MBD5: variants seen among roughly 807,000 people sequenced by gnomAD.
MBD5 encodes the protein methyl-CpG binding domain protein 5, also known as methyl-CpG-binding domain protein 5.
In MBD5, 13 loss-of-function variants were observed where a neutral mutation model predicts 117.3. The ratio of observed to expected loss-of-function variants is 0.11; its 90% CI spans 0.07 to 0.18. The LOEUF (loss-of-function observed/expected upper bound fraction) is 0.18. MBD5 is among the 10% of genes least tolerant of loss of function. MBD5 has a pLI of 1.00. For synonymous variants in MBD5, 727 were observed against 766.4 expected (o/e 0.95, Z 0.85); for missense variants, 1,879 against 2,093.8 (o/e 0.90, Z 2.00).
intron 3 of MBD5, among the ~76,000 whole-genome samples, chr2:148,333,727 AT>A (rs1702719649): frequency 6.6e-6 from 1 of 151,962 alleles, no homozygotes; most frequent in Non-Finnish European, 1.5e-5. Flanking sequence ...GTAAGGTGGC[AT>A]GTGTCTTTGG....
At chr2:148,106,960 T>C (rs1696388338) in intron 1 of MBD5, among the ~76,000 whole-genome samples, 1 of 152,018 alleles carries the variant, frequency 6.6e-6, no homozygotes, top group African/African-American at 2.4e-5. Flanking sequence ...TGTCATTCCT[T>C]TGGCATTACA....
intron 4 of MBD5, among the ~76,000 whole-genome samples, chr2:148,345,574 C>T (rs368575387): frequency 1.5e-5 from 1 of 68,572 alleles, no homozygotes; most frequent in African/African-American, 7.4e-5. Flanking sequence ...CACGTATACA[C>T]ATACATATGT....
At chr2:148,400,922 G>A (rs552149867) in intron 4 of MBD5, among the ~76,000 whole-genome samples, 31 of 152,130 alleles carry the variant, frequency 2.0e-4, no homozygotes, top group African/African-American at 7.5e-4. Flanking sequence ...TATTTGAATA[G>A]CACTGCAGAG....
chr2:148,265,459 T>G (rs1328607482), intron 3 of MBD5, among the ~76,000 whole-genome samples: 1 of 152,194 alleles, frequency 6.6e-6, no homozygotes, highest in Non-Finnish European at 1.5e-5. Flanking sequence ...GTTCCATGGA[T>G]GTATCATAAT....
intron 4 of MBD5, among the ~76,000 whole-genome samples, chr2:148,446,550 A>G (rs1025328045): frequency 6.6e-6 from 1 of 151,224 alleles, no homozygotes; most frequent in Non-Finnish European, 1.5e-5. Flanking sequence ...GTGGGATCTA[A>G]CACAGACCAT....
chr2:148,193,125 G>C (rs1359724162), intron 2 of MBD5, among the ~76,000 whole-genome samples: 1 of 91,906 alleles, frequency 1.1e-5, no homozygotes, highest in Non-Finnish European at 2.2e-5. Context: ...CAAACAAATG[G>C]AAGAACATTC....
chr2:148,153,199 A>C (rs2105675041), intron 1 of MBD5, among the ~76,000 whole-genome samples: 1 of 150,988 alleles, frequency 6.6e-6, no homozygotes, highest in South Asian at 2.1e-4. Flanking sequence ...TCACTTATGA[A>C]GCTTAGTTTG....
At chr2:148,503,558 C>T (rs1274842619) in intron 12 of MBD5, among the ~76,000 whole-genome samples, 1 of 152,146 alleles carries the variant, frequency 6.6e-6, no homozygotes, top group African/African-American at 2.4e-5. Flanking sequence ...GTCAACAAAT[C>T]TTAGGAAGAC....
chr2:148,133,892 A>T (rs1247061826), intron 1 of MBD5, among the ~76,000 whole-genome samples: 1 of 152,164 alleles, frequency 6.6e-6, no homozygotes, highest in African/African-American at 2.4e-5. Flanking sequence ...CAAGTTACAT[A>T]TACTACTTTT....
intron 3 of MBD5, among the ~76,000 whole-genome samples, chr2:148,326,579 A>G (rs560412812): frequency 5.3e-5 from 8 of 152,204 alleles, no homozygotes; most frequent in African/African-American, 1.9e-4. Flanking sequence ...TGATCCCTTT[A>G]CCATTGAGTA....
At position 148,178,731 on chromosome 2, in the gene MBD5, G is replaced by T. The variant is rs1424464504; in HGVS notation, c.-893G>T. The T allele has an allele frequency of 1.5e-5, 6 of 398,142 alleles. No homozygotes were observed. Among genetic ancestry groups the T allele is most frequent in the South Asian group, 1.3e-4 (1 of 7,814 alleles). 24.7% of individuals were successfully genotyped at this position (398,142 alleles called of 1,614,324 possible). ...ATTGAAGATGTCAGTTTCTACATGT[G>T]GGAAGTAGACATTGAAGGCTTTATG... On this transcript the variant is annotated 5_prime_UTR_variant, in exon 2 of 14. Transcript: ENST00000642680.
chr2:148,025,398 G>C (rs1373948588), intron 1 of MBD5: 2 of 151,760 alleles, frequency 1.3e-5, no homozygotes, highest in Non-Finnish European at 2.9e-5. Context: ...ACTTAATACT[G>C]TATTCTAGGG....
chr2:148,314,376 GTTTT>G (rs67471940), intron 3 of MBD5, among the ~76,000 whole-genome samples: 2 of 106,622 alleles, frequency 1.9e-5, no homozygotes, highest in Admixed American at 1.1e-4. Flanking sequence ...CAGTGTTATG[GTTTT>G]TTTTTTTTTT....
At chr2:148,400,248 A>G (rs1218230615) in intron 4 of MBD5, among the ~76,000 whole-genome samples, 3 of 151,968 alleles carry the variant, frequency 2.0e-5, no homozygotes, top group Non-Finnish European at 4.4e-5. Flanking sequence ...TTTCAGTAAT[A>G]TGGTATTCCC....
At chr2:148,488,439 T>C (rs1017324453) in intron 10 of MBD5, among the ~76,000 whole-genome samples, 1 of 152,040 alleles carries the variant, frequency 6.6e-6, no homozygotes, top group Admixed American at 6.6e-5. Flanking sequence ...ACTGTAGATG[T>C]AGATAAGGCA....
intron 3 of MBD5, among the ~76,000 whole-genome samples, chr2:148,306,660 AGC>A (rs1701904215): frequency 6.6e-6 from 1 of 152,218 alleles, no homozygotes; most frequent in East Asian, 1.9e-4. Flanking sequence ...ACAAAGAACC[AGC>A]AATGTTTCAA....
At chr2:148,458,114 C>T (rs551298530) in intron 4 of MBD5, 89 bp from the exon 5 acceptor site, 1 of 394,190 alleles carries the variant, frequency 2.5e-6, no homozygotes, top group South Asian at 1.4e-4. Flanking sequence ...TGATTGGGTA[C>T]ACTTCGTAGT....
chr2:148,468,301 G>A (rs770277376), intron 7 of MBD5, 40 bp from the exon 8 acceptor site: 1 of 1,545,698 alleles, frequency 6.5e-7, no homozygotes, highest in Non-Finnish European at 8.9e-7. Context: ...CAAAAGAGTT[G>A]AGACTGTTAA....
chr2:148,382,873 T>G (rs1300734356), intron 4 of MBD5, among the ~76,000 whole-genome samples: 2 of 151,308 alleles, frequency 1.3e-5, no homozygotes, highest in African/African-American at 4.9e-5. Flanking sequence ...CATAACGAAA[T>G]GAAGGCAGAA....
Sources: allele counts gnomAD v4.1 joint callset (sites outside exome capture counted in the v4.1 genomes callset), GRCh38; gene constraint gnomAD v4.1.1; transcripts MANE v1.5; gene names NCBI Gene and HGNC (gene_info 2026-07-23, HGNC 2026-07-21).